The following VPS54 variants were observed in gnomAD, a reference collection of about 807,000 sequenced individuals.
VPS54 encodes VPS54 subunit of GARP complex, also known as vacuolar protein sorting-associated protein 54.
A neutral mutation model predicts 121.5 loss-of-function variants in VPS54; 45 were observed. The observed-to-expected ratio is 0.37, with a 90% confidence interval of 0.29 to 0.47. The LOEUF (loss-of-function observed/expected upper bound fraction) is 0.47, where lower values mean the gene tolerates loss of function less well. VPS54 is among the 20% of genes least tolerant of loss of function. The pLI is 0.99. For missense variants in VPS54, 1,090 were observed against 1,131.4 expected, an observed-to-expected ratio of 0.96 and a Z score of 0.52; for synonymous variants, 371 against 385.8, an observed-to-expected ratio of 0.96 and a Z score of 0.45.
intron 1 of VPS54, among the ~76,000 whole-genome samples, chr2:64,017,357 AAC>A (rs144240013): frequency 0.15 from 22,927 of 150,556 alleles, 2,296 homozygotes; most frequent in Middle Eastern, 0.25. Flanking sequence ...AAAGAAAAGA[AAC>A]AAAAAAAAAG....
Position 63,900,703 on chromosome 2 carries a change from C to T in VPS54, c.2626-1122G>A, listed in dbSNP as rs1575881929. 2.6e-5 allele frequency among the ~76,000 whole-genome samples: 4 copies of T among 152,216 alleles called. No homozygotes were observed. The South Asian group carries it at 8.3e-4, about 32-fold the overall frequency. The stretch of plus-strand genomic sequence containing the variant: ...GTTCAGTCTTCAAAGGGAAAATAAA[C>T]AGGTGAAAATATTCCAGGTAGAGGA... On this transcript the variant is annotated intron_variant, in intron 20 of 22. Transcript: ENST00000272322.
At chr2:64,008,824 T>C (rs1678291530) in intron 1 of VPS54, among the ~76,000 whole-genome samples, 1 of 152,244 alleles carries the variant, frequency 6.6e-6, no homozygotes, top group Non-Finnish European at 1.5e-5. Context: ...GCATCATCAC[T>C]AATATCTGAC....
chr2:63,914,391 G>C (rs1369904863), intron 16 of VPS54, 104 bp from the exon 17 acceptor site: 10 of 741,288 alleles, frequency 1.3e-5, no homozygotes, highest in Non-Finnish European at 2.1e-5. Flanking sequence ...GGATCTCTGA[G>C]AATATAATGA....
intron 20 of VPS54, among the ~76,000 whole-genome samples, chr2:63,901,515 G>A (rs1322331704): frequency 1.3e-5 from 2 of 152,212 alleles, no homozygotes; most frequent in Non-Finnish European, 2.9e-5. Context: ...GAAGAAACAG[G>A]AGGATCAAAG....
At chr2:63,916,807 T>A in intron 16 of VPS54, 93 bp downstream of exon 16, 1 of 1,245,546 alleles carries the variant, frequency 8.0e-7, no homozygotes. Context: ...TTAAAACTGT[T>A]AATCCAAAAT....
chr2:63,893,006 CT>C lies in VPS54; in HGVS notation c.*423del, dbSNP rs2104385767. On this transcript the variant is annotated 3_prime_UTR_variant, in exon 23 of 23. Transcript: ENST00000272322. Reference sequence around the variant, plus strand: ...AGAGAAAACTTTCTACAGAAGTTGACTAAGATTTTAAATTGTACCATCATTA... The same window carrying C: ...AGAGAAAACTTTCTACAGAAGTTGACAAGATTTTAAATTGTACCATCATTA... 1 of 155,206 alleles carries C rather than the reference CT, an allele frequency of 6.4e-6. No individual in the cohort carries two copies. Among genetic ancestry groups the C allele is most frequent in the South Asian group, 2.0e-4 (1 of 4,884 alleles). The allele number at this position is 155,206 out of a possible 1,614,324, so 9.6% of individuals were successfully genotyped here.
intron 10 of VPS54, 77 bp from the exon 11 acceptor site, chr2:63,942,638 T>C: frequency 8.4e-7 from 1 of 1,195,858 alleles, no homozygotes; most frequent in Admixed American, 2.9e-5. Flanking sequence ...CTGGAAGAAA[T>C]GAGACTAAAT....
At chr2:63,966,603 C>T (rs1676014279) in intron 5 of VPS54, among the ~76,000 whole-genome samples, 1 of 152,132 alleles carries the variant, frequency 6.6e-6, no homozygotes, top group Non-Finnish European at 1.5e-5. Flanking sequence ...TAATCTATCC[C>T]CTATACTACT....
intron 1 of VPS54, among the ~76,000 whole-genome samples, chr2:63,996,203 G>T (rs1046187808): frequency 2.0e-5 from 3 of 152,194 alleles, no homozygotes; most frequent in South Asian, 2.1e-4. Context: ...AAATTGTGAA[G>T]ATTTCATGGA....
rs757088052 is a variant in VPS54, at chr2:63,920,432, C to T, written c.2051+14G>A. ...TGAAAAAATCAAACAACAGAATGGA[C>T]ATGGTGATGATACCTGAGCTTGGTT... On this transcript the variant is annotated intron_variant, in intron 14 of 22. Transcript: ENST00000272322. 5 of 1,479,942 alleles carry T rather than the reference C, an allele frequency of 3.4e-6. No homozygotes were observed. Among genetic ancestry groups the T allele is most frequent in the Non-Finnish European group, 4.5e-6 (5 of 1,116,194 alleles). 91.7% of individuals were successfully genotyped at this position (1,479,942 alleles called of 1,614,324 possible). A position where few individuals can be genotyped will look rare whatever the true frequency, so the allele number is the denominator to read the frequency against.
intron 15 of VPS54, among the ~76,000 whole-genome samples, chr2:63,917,384 T>C (rs563036536): frequency 6.6e-6 from 1 of 152,224 alleles, no homozygotes; most frequent in Non-Finnish European, 1.5e-5. Flanking sequence ...AGCATTTAAA[T>C]TGGTTGTCTT....
chr2:64,013,210 T>C (rs1385645875), intron 1 of VPS54, among the ~76,000 whole-genome samples: 1 of 152,224 alleles, frequency 6.6e-6, no homozygotes, highest in Non-Finnish European at 1.5e-5. Context: ...ATGTGCCTCC[T>C]GATGTAATAC....
chr2:63,967,772 T>C (rs1575969084), intron 5 of VPS54, among the ~76,000 whole-genome samples: 1 of 133,172 alleles, frequency 7.5e-6, no homozygotes, highest in African/African-American at 2.9e-5. Context: ...CTTAAAGGGG[T>C]AGCAGAGGGA....
chr2:63,935,934 T>C (rs556307644), intron 11 of VPS54, among the ~76,000 whole-genome samples: 13 of 152,136 alleles, frequency 8.5e-5, no homozygotes, highest in African/African-American at 2.2e-4. Context: ...AAGTAAAAAA[T>C]AGAAAACTTC....
chr2:63,966,044 T>A, intron 5 of VPS54, 78 bp from the exon 6 acceptor site: 1 of 1,377,614 alleles, frequency 7.3e-7, no homozygotes, highest in Non-Finnish European at 9.8e-7. Context: ...TCATGATCAT[T>A]AAACAAAATT....
chr2:63,958,660 G>A (rs1479704323), intron 7 of VPS54, among the ~76,000 whole-genome samples: 1 of 152,114 alleles, frequency 6.6e-6, no homozygotes, highest in Admixed American at 6.5e-5. Flanking sequence ...GGCTATAGTT[G>A]AGCTATGATC....
At chr2:63,988,151 G>C (rs928611266) in intron 1 of VPS54, among the ~76,000 whole-genome samples, 9 of 152,176 alleles carry the variant, frequency 5.9e-5, no homozygotes, top group African/African-American at 2.2e-4. Flanking sequence ...TAACAGCTAT[G>C]GGTCTGTCAT....
chr2:63,912,939 A>G (rs1449686801), intron 18 of VPS54, among the ~76,000 whole-genome samples: 1 of 152,164 alleles, frequency 6.6e-6, no homozygotes. Context: ...TGACATTCAG[A>G]TAGCTTTCAC....
chr2:63,972,021 T>G, intron 4 of VPS54, 145 bp downstream of exon 4: 1 of 432,488 alleles, frequency 2.3e-6, no homozygotes, highest in Non-Finnish European at 4.1e-6. Flanking sequence ...TAGAAGTTCT[T>G]AGAAAATATT....
Sources: gnomAD v4.1 joint callset for allele counts (sites outside exome capture counted in the v4.1 genomes callset) on GRCh38, gnomAD v4.1.1 for gene constraint, MANE v1.5 for transcripts, NCBI Gene and HGNC (gene_info 2026-07-23, HGNC 2026-07-21) for gene names.